The following TSPEAR variants were observed in gnomAD, a reference collection of about 807,000 sequenced individuals.
The protein encoded by TSPEAR is thrombospondin-type laminin G domain and EAR repeat-containing protein.
A neutral mutation model predicts 71.6 loss-of-function variants in TSPEAR; 69 were observed. That is an observed-to-expected ratio of 0.96 (90% CI 0.79 to 1.18). TSPEAR has a LOEUF of 1.18. Among genes scored for constraint, TSPEAR ranks in the 50% most tolerant of loss-of-function variants. The pLI is 0.00. For synonymous variants in TSPEAR, 402 were observed against 387.2 expected, an observed-to-expected ratio of 1.04 and a Z score of -0.45; for missense variants, 971 against 894.9, an observed-to-expected ratio of 1.09 and a Z score of -1.09.
At chr21:44,683,069 C>T (rs1159428447) in intron 1 of TSPEAR, among the ~76,000 whole-genome samples, 2 of 152,026 alleles carry the variant, frequency 1.3e-5, no homozygotes, top group Non-Finnish European at 2.9e-5. Context: ...CCCTACAGCC[C>T]GGCACCAAAT....
intron 1 of TSPEAR, among the ~76,000 whole-genome samples, chr21:44,587,418 G>A (rs1400390233): frequency 6.6e-6 from 1 of 152,206 alleles, no homozygotes; most frequent in Non-Finnish European, 1.5e-5. Context: ...CACATCCCAT[G>A]TTCATGGATG....
chr21:44,562,727 T>C (rs1390507168), intron 2 of TSPEAR, among the ~76,000 whole-genome samples: 1 of 151,938 alleles, frequency 6.6e-6, no homozygotes, highest in Non-Finnish European at 1.5e-5. Flanking sequence ...TTCAAAGTGC[T>C]CAAAGAAAAA....
intron 1 of TSPEAR, among the ~76,000 whole-genome samples, chr21:44,594,543 T>A (rs987623683): frequency 6.6e-6 from 1 of 152,220 alleles, no homozygotes; most frequent in African/African-American, 2.4e-5. Context: ...TTTGGACGGG[T>A]CAGTGTGTTT....
intron 4 of TSPEAR, among the ~76,000 whole-genome samples, 200 bp from the exon 5 acceptor site, chr21:44,530,154 C>A (rs1368527737): frequency 6.6e-6 from 1 of 151,980 alleles, no homozygotes; most frequent in Non-Finnish European, 1.5e-5. Context: ...AATTGCCCCC[C>A]TTCCGAGGGA....
intron 1 of TSPEAR, chr21:44,702,717 C>T (rs543887942): frequency 6.8e-7 from 1 of 1,474,514 alleles, no homozygotes; most frequent in African/African-American, 1.4e-5. Context: ...GCCACCCAGC[C>T]TCCTGCGTGT....
chr21:44,651,781 A>T (rs995119111), intron 1 of TSPEAR, among the ~76,000 whole-genome samples: 1 of 152,186 alleles, frequency 6.6e-6, no homozygotes, highest in Non-Finnish European at 1.5e-5. Context: ...ATAGGTTCTG[A>T]GAACCAGGAT....
At position 44,533,862 on chromosome 21, in the gene TSPEAR, CGCAGGCCGAGCAGCA is replaced by C; in HGVS notation, c.350_364del (p.Leu117_Leu121del). On this transcript the variant is annotated inframe_deletion, in exon 3 of 12. Transcript: ENST00000323084. ...GAAGTGCAGCTGGGCAGGTGACAAC[CGCAGGCCGAGCAGCA>C]GCAGGTCGCTCTCCTCTGCCACCAC... 6.2e-7 allele frequency: 1 copy of C among 1,612,328 alleles called. No individual in the cohort carries two copies. The highest frequency in any genetic ancestry group is 1.6e-4 in the Middle Eastern group (1 of 6,062).
chr21:44,702,390 CTCCT>C, intron 1 of TSPEAR: 3 of 1,606,482 alleles, frequency 1.9e-6, no homozygotes, highest in South Asian at 1.1e-5. Flanking sequence ...GTGAGCCCAG[CTCCT>C]GCACGCCCTT....
At chr21:44,654,474 C>A in intron 1 of TSPEAR, 1 of 1,613,948 alleles carries the variant, frequency 6.2e-7, no homozygotes, top group African/African-American at 1.3e-5. Flanking sequence ...CACACAGGGG[C>A]CGGCACAGCA....
intron 2 of TSPEAR, chr21:44,558,626 G>T: frequency 1.2e-6 from 2 of 1,603,856 alleles, no homozygotes; most frequent in African/African-American, 1.3e-5. Context: ...TGGCGCAGCA[G>T]GGGGGCTCAC....
chr21:44,523,985 ATCAGTCAGGTAG>A (rs1601359924), intron 8 of TSPEAR, among the ~76,000 whole-genome samples: 1 of 151,564 alleles, frequency 6.6e-6, no homozygotes, highest in East Asian at 1.9e-4. Flanking sequence ...GTAGCCAGTC[ATCAGTCAGGTAG>A]TCAGTCAGGT....
intron 10 of TSPEAR, among the ~76,000 whole-genome samples, chr21:44,507,347 G>A (rs938863269): frequency 4.5e-4 from 68 of 152,208 alleles, no homozygotes; most frequent in African/African-American, 1.6e-3. Flanking sequence ...GGCAGTCAGA[G>A]CCAAGGTTAC....
intron 1 of TSPEAR, chr21:44,627,081 C>A: frequency 6.4e-7 from 1 of 1,550,816 alleles, no homozygotes; most frequent in Non-Finnish European, 8.7e-7. Flanking sequence ...GCCTGAGAGC[C>A]CCAAGAACCT....
rs587671017 is a variant in TSPEAR at position 44,505,251 on chromosome 21, G to T, written c.1755-370C>A. 3.8e-3 allele frequency among the ~76,000 whole-genome samples: 581 copies of T among 151,864 alleles called. 6 individuals carry two copies. Among genetic ancestry groups the T allele is most frequent in the Middle Eastern group, 0.017 (5 of 294 alleles). On this transcript the variant is annotated intron_variant, in intron 10 of 11. Transcript: ENST00000323084. ...GCGGCACCACGCCCGGCTAATTTTT[G>T]TATTTGTAGTACAGACAGGGTTTCA...
At chr21:44,525,234 GTAGT>G (rs1286844310) in intron 8 of TSPEAR, among the ~76,000 whole-genome samples, 2 of 152,156 alleles carry the variant, frequency 1.3e-5, no homozygotes, top group Admixed American at 6.5e-5. Context: ...AGTCAGTCAG[GTAGT>G]TAGTCATGTA....
chr21:44,686,887 C>A (rs1555948992), intron 1 of TSPEAR, among the ~76,000 whole-genome samples: 1 of 152,170 alleles, frequency 6.6e-6, no homozygotes, highest in Non-Finnish European at 1.5e-5. Flanking sequence ...TGTCCTTTGC[C>A]TTCCTGACCA....
At chr21:44,581,620 C>A (rs1462401979) in intron 1 of TSPEAR, among the ~76,000 whole-genome samples, 2 of 152,094 alleles carry the variant, frequency 1.3e-5, no homozygotes, top group African/African-American at 4.8e-5. Context: ...ATTTTACTTT[C>A]TGTGGTTAGA....
At position 44,697,075 on chromosome 21, in the gene TSPEAR, A is replaced by ACTCC. The variant is rs1168314846; in HGVS notation, c.82+14354_82+14357dup. On this transcript the variant is annotated intron_variant, in intron 1 of 11. Transcript: ENST00000323084. ...CCATCCAGCACCCAGACGCTCACTC[A>ACTCC]CTCCCTCCCTCCTGCCCATCCAGCA... The ACTCC allele has an allele frequency of 1.7e-5, 22 of 1,331,034 alleles. No individual in the cohort carries two copies. In the Admixed American group the frequency reaches 4.5e-4, roughly 27 times the overall value. 82.5% of individuals were successfully genotyped at this position (1,331,034 alleles called of 1,614,324 possible).
chr21:44,600,751 C>G lies in TSPEAR; in HGVS notation c.83-32746G>C. 4 of 1,609,800 alleles carry G rather than the reference C, an allele frequency of 2.5e-6. No homozygotes were observed. The Admixed American group carries it at 5.0e-5, about 20-fold the overall frequency. On this transcript the variant is annotated intron_variant, in intron 1 of 11. Coordinates refer to ENST00000323084, the MANE Select transcript of TSPEAR (RefSeq NM_144991.3). ...CGACTGCCCAGAGAGCTGCTGCGAGCCCCCCTGCTGCGCCCCGGCCCCCTG... is the reference window on the plus strand; with the variant it reads ...CGACTGCCCAGAGAGCTGCTGCGAGGCCCCCTGCTGCGCCCCGGCCCCCTG...
Sources: gnomAD v4.1 joint callset for allele counts (sites outside exome capture counted in the v4.1 genomes callset) on GRCh38, gnomAD v4.1.1 for gene constraint, MANE v1.5 for transcripts, NCBI Gene and HGNC (gene_info 2026-07-23, HGNC 2026-07-21) for gene names.